The following NUDCD3 variants were observed in gnomAD, a reference collection of about 807,000 sequenced individuals.
NUDCD3 encodes nudC domain-containing protein 3.
A neutral mutation model predicts 39.7 loss-of-function variants in NUDCD3; 13 were observed. The observed-to-expected ratio is 0.33, with a 90% CI of 0.21 to 0.52. The LOEUF is 0.52. NUDCD3 is among the 20% of genes least tolerant of loss of function. The pLI is 0.96. For synonymous variants in NUDCD3, 175 were observed against 172.4 expected (o/e 1.02, Z -0.12); for missense variants, 453 against 458.1 (o/e 0.99, Z 0.10).
At chr7:44,437,816 G>A (rs1176278577) in intron 2 of NUDCD3, among the ~76,000 whole-genome samples, 1 of 152,150 alleles carries the variant, frequency 6.6e-6, no homozygotes, top group Non-Finnish European at 1.5e-5. Flanking sequence ...AGATTTAAAT[G>A]CAAATTTAGG....
At chr7:44,475,373 T>C (rs1800345342) in intron 2 of NUDCD3, among the ~76,000 whole-genome samples, 1 of 152,162 alleles carries the variant, frequency 6.6e-6, no homozygotes, top group African/African-American at 2.4e-5. Flanking sequence ...CAGGAAATGC[T>C]AAGGATACTC....
chr7:44,391,750 T>G (rs573493429), intron 5 of NUDCD3, among the ~76,000 whole-genome samples: 4 of 152,270 alleles, frequency 2.6e-5, no homozygotes, highest in African/African-American at 9.6e-5. Context: ...AATGTATACA[T>G]CTAATTAATC....
In NUDCD3 at chr7:44,411,592, T is replaced by C. The variant is rs189682216; in HGVS notation, c.643-7009A>G. ...CAATGAAATCCTACTTCATACCCAG[T>C]AGGATAGCTACAATTAAAAAACAAA... On this transcript the variant is annotated intron_variant, in intron 3 of 5. Coordinates refer to ENST00000355451, the MANE Select transcript of NUDCD3 (RefSeq NM_015332.4). Among the ~76,000 whole-genome samples the C allele has an allele frequency of 8.5e-5, 13 of 152,300 alleles. No individual in the cohort carries two copies. In the East Asian group the frequency reaches 1.7e-3, roughly 20 times the overall value.
At chr7:44,458,529 A>G (rs572638383) in intron 2 of NUDCD3, among the ~76,000 whole-genome samples, 4 of 152,184 alleles carry the variant, frequency 2.6e-5, no homozygotes, top group Non-Finnish European at 5.9e-5. Flanking sequence ...CATGGTGAGC[A>G]TGCCTGTAAT....
intron 2 of NUDCD3, among the ~76,000 whole-genome samples, chr7:44,463,995 T>C (rs1338301012): frequency 6.6e-6 from 1 of 151,732 alleles, no homozygotes; most frequent in Non-Finnish European, 1.5e-5. Context: ...AGGTGGATCA[T>C]CTGAGGTTAG....
intron 2 of NUDCD3, among the ~76,000 whole-genome samples, chr7:44,441,541 G>A (rs1003001850): frequency 1.3e-5 from 2 of 152,160 alleles, no homozygotes; most frequent in Middle Eastern, 6.8e-3. Context: ...TCAAAGACTC[G>A]CCATGTCTAC....
chr7:44,440,496 G>GAAAAAAAAAAAAAAAAAAAAAAAAA (rs72065068), intron 2 of NUDCD3, among the ~76,000 whole-genome samples: 16 of 48,402 alleles, frequency 3.3e-4, no homozygotes, highest in Non-Finnish European at 4.0e-4. Context: ...CAGAAAAATT[G>GAAAAAAAAAAAAAAAAAAAAAAAAA]AAAAAAAAAA....
At chr7:44,461,571 A>C (rs1188514747) in intron 2 of NUDCD3, among the ~76,000 whole-genome samples, 3 of 152,200 alleles carry the variant, frequency 2.0e-5, no homozygotes, top group South Asian at 2.1e-4. Flanking sequence ...TGATTGAGTC[A>C]GCCGCAGACA....
chr7:44,445,736 T>TCAGCTG (rs2116928054), intron 2 of NUDCD3, among the ~76,000 whole-genome samples: 1 of 152,340 alleles, frequency 6.6e-6, no homozygotes, highest in African/African-American at 2.4e-5. Flanking sequence ...ACGACAACTT[T>TCAGCTG]CAGCTGATGT....
intron 2 of NUDCD3, among the ~76,000 whole-genome samples, chr7:44,459,330 C>T (rs906381109): frequency 4.0e-5 from 6 of 151,768 alleles, no homozygotes; most frequent in Admixed American, 3.9e-4. Flanking sequence ...CCCTGAATAG[C>T]TGGGACTATA....
chr7:44,407,784 C>A (rs540219181), intron 3 of NUDCD3, among the ~76,000 whole-genome samples: 16 of 151,572 alleles, frequency 1.1e-4, no homozygotes, highest in African/African-American at 3.1e-4. Flanking sequence ...AAAGAAAGAA[C>A]ACAAGAATTT....
At chr7:44,392,045 C>A (rs535549114) in intron 5 of NUDCD3, among the ~76,000 whole-genome samples, 2 of 152,334 alleles carry the variant, frequency 1.3e-5, no homozygotes, top group East Asian at 3.9e-4. Flanking sequence ...CTCATGACAC[C>A]CTTCGAGGTC....
intron 2 of NUDCD3, among the ~76,000 whole-genome samples, chr7:44,444,384 C>G (rs1799650548): frequency 6.6e-6 from 1 of 152,120 alleles, no homozygotes; most frequent in African/African-American, 2.4e-5. Context: ...GTGTCCCAGG[C>G]CTGGGGACAG....
In NUDCD3 at chr7:44,404,474, G is replaced by A. The variant is rs947619595; in HGVS notation, c.752C>T (p.Ser251Phe). The part of the protein sequence containing the change: ...KLTHKINTES[S>F]LWSLEPGKCV... ...CTTCCCGGGCTCGAGACTCCAGAGA[G>A]AACTCTCAGTGTTGATCTTGTGGGT... is the stretch of plus-strand genomic sequence containing the variant. The change falls in exon 4 of 6, where the codon TCT becomes TTT. Residue 251 changes from serine to phenylalanine, a missense_variant. Ser to Phe is a radical substitution (Grantham distance 155, BLOSUM62 -2). Coordinates refer to ENST00000355451, the MANE Select transcript of NUDCD3 (RefSeq NM_015332.4). 1.2e-6 allele frequency: 2 copies of A among 1,614,032 alleles called. No homozygotes were observed. The highest frequency in any genetic ancestry group is 1.7e-6 in the Non-Finnish European group (2 of 1,180,022).
intron 2 of NUDCD3, among the ~76,000 whole-genome samples, chr7:44,484,026 G>A (rs886624343): frequency 2.0e-5 from 3 of 152,030 alleles, no homozygotes; most frequent in African/African-American, 4.8e-5. Flanking sequence ...AAGTGTGCAC[G>A]CACACACACA....
chr7:44,443,716 T>C (rs1799636135), intron 2 of NUDCD3, among the ~76,000 whole-genome samples: 1 of 152,152 alleles, frequency 6.6e-6, no homozygotes, highest in Admixed American at 6.6e-5. Flanking sequence ...CCTGGCCCAA[T>C]TTCACAGGAC....
At chr7:44,392,639 C>T (rs1213155621) in intron 4 of NUDCD3, 154 bp from the exon 5 acceptor site, 1 of 639,316 alleles carries the variant, frequency 1.6e-6, no homozygotes, top group East Asian at 2.8e-5. Flanking sequence ...GTGCCAGAAC[C>T]CAAGGCAGGA....
At chr7:44,398,615 T>G (rs1005099784) in intron 4 of NUDCD3, among the ~76,000 whole-genome samples, 1 of 152,212 alleles carries the variant, frequency 6.6e-6, no homozygotes, top group African/African-American at 2.4e-5. Context: ...TCCCCCAATC[T>G]GCGCTGATGA....
chr7:44,450,154 C>G (rs1274774939), intron 2 of NUDCD3, among the ~76,000 whole-genome samples: 6 of 151,752 alleles, frequency 4.0e-5, no homozygotes, highest in African/African-American at 1.5e-4. Context: ...AGTGAAATAC[C>G]ACACTGAACC....
Sources: gnomAD v4.1 joint callset for allele counts (sites outside exome capture counted in the v4.1 genomes callset) on GRCh38, gnomAD v4.1.1 for gene constraint, MANE v1.5 for transcripts, NCBI Gene and HGNC (gene_info 2026-07-23, HGNC 2026-07-21) for gene names.